The following NT5DC1 variants were observed in gnomAD, a reference collection of about 807,000 sequenced individuals.
NT5DC1 encodes 5'-nucleotidase domain-containing protein 1.
Under a neutral mutation model 59.4 loss-of-function variants are expected in NT5DC1, and 42 were observed. That is an observed-to-expected ratio of 0.71 (90% confidence interval 0.55 to 0.92). The LOEUF (loss-of-function observed/expected upper bound fraction) is 0.92. NT5DC1 is among the 40% of genes least tolerant of loss of function. The pLI is 0.00. For missense variants in NT5DC1, 501 were observed against 537.1 expected (o/e 0.93, Z 0.66); for synonymous variants, 172 against 188.1 (o/e 0.91, Z 0.70).
intron 6 of NT5DC1, among the ~76,000 whole-genome samples, chr6:116,206,975 T>C (rs904329249): frequency 6.6e-6 from 1 of 151,954 alleles, no homozygotes; most frequent in African/African-American, 2.4e-5. Context: ...GAATTTAAAG[T>C]TCTCTGGATT....
At chr6:116,213,218 G>A (rs903646754) in intron 6 of NT5DC1, among the ~76,000 whole-genome samples, 3 of 152,040 alleles carry the variant, frequency 2.0e-5, no homozygotes, top group African/African-American at 7.2e-5. Context: ...AGATGTCAGT[G>A]GGGACAGTAG....
chr6:116,218,911 T>C (rs1273292237), intron 6 of NT5DC1, among the ~76,000 whole-genome samples: 1 of 152,186 alleles, frequency 6.6e-6, no homozygotes, highest in Non-Finnish European at 1.5e-5. Flanking sequence ...TATTACTAAA[T>C]TGAGTTATTT....
intron 8 of NT5DC1, among the ~76,000 whole-genome samples, chr6:116,229,025 C>A (rs1781959139): frequency 6.6e-6 from 1 of 152,206 alleles, no homozygotes; most frequent in African/African-American, 2.4e-5. Context: ...CTAAAATCTT[C>A]ACATCCCACA....
chr6:116,227,233 T>C (rs1781927950), intron 8 of NT5DC1, among the ~76,000 whole-genome samples: 1 of 152,208 alleles, frequency 6.6e-6, no homozygotes, highest in Non-Finnish European at 1.5e-5. Context: ...TATTTGTCTT[T>C]CTGTGCCTGG....
chr6:116,138,462 T>C (rs1483789278), intron 6 of NT5DC1, among the ~76,000 whole-genome samples: 4 of 152,194 alleles, frequency 2.6e-5, no homozygotes, highest in Non-Finnish European at 5.9e-5. Context: ...GAACACTGTT[T>C]TTAATTCTTT....
intron 6 of NT5DC1, among the ~76,000 whole-genome samples, chr6:116,211,588 C>A (rs1781578613): frequency 6.6e-6 from 1 of 151,848 alleles, no homozygotes; most frequent in Non-Finnish European, 1.5e-5. Flanking sequence ...CATTCATTAG[C>A]CATGCCAAAT....
chr6:116,162,904 G>GA (rs1227148944), intron 6 of NT5DC1, among the ~76,000 whole-genome samples: 1 of 151,978 alleles, frequency 6.6e-6, no homozygotes, highest in African/African-American at 2.4e-5. Context: ...AAGGCGGGCA[G>GA]ATCACGAGGT....
At chr6:116,137,020 T>G (rs1162306736) in intron 6 of NT5DC1, 1 of 178,594 alleles carries the variant, frequency 5.6e-6, no homozygotes, top group East Asian at 1.5e-4. Context: ...AAGCTGGGCC[T>G]TTCCACACCA....
chr6:116,249,272 A>G lies in NT5DC1; in HGVS notation c.*5248A>G, dbSNP rs1311788328. 6.6e-6 allele frequency: 1 copy of G among 152,190 alleles called. No individual in the cohort carries two copies. The highest frequency in any genetic ancestry group is 2.4e-5 in the African/African-American group (1 of 41,462). 9.4% of individuals were successfully genotyped at this position (152,190 alleles called of 1,614,324 possible). On this transcript the variant is annotated 3_prime_UTR_variant, in exon 12 of 12. Coordinates refer to ENST00000319550, the MANE Select transcript of NT5DC1 (RefSeq NM_152729.3). The stretch of plus-strand genomic sequence containing the variant: ...AAGAGTCAGCATCTATTTTAACTGT[A>G]TGTTTAATTAAGTTTCTAACTCAAA...
chr6:116,182,815 AT>A (rs1280041662), intron 6 of NT5DC1, among the ~76,000 whole-genome samples: 1 of 151,676 alleles, frequency 6.6e-6, no homozygotes, highest in Non-Finnish European at 1.5e-5. Flanking sequence ...GATTGTAAAG[AT>A]TTTTTTCCCC....
chr6:116,179,384 C>G (rs1349090365), intron 6 of NT5DC1, among the ~76,000 whole-genome samples: 1 of 151,880 alleles, frequency 6.6e-6, no homozygotes, highest in African/African-American at 2.4e-5. Context: ...CATTCCTTTT[C>G]ATGCATCTGA....
At chr6:116,143,273 C>T (rs569092439) in intron 6 of NT5DC1, among the ~76,000 whole-genome samples, 4 of 152,054 alleles carry the variant, frequency 2.6e-5, no homozygotes, top group Non-Finnish European at 5.9e-5. Context: ...TGCAGTGGCG[C>T]GATTTTGGCT....
In NT5DC1 at chr6:116,148,700, G is replaced by T. The variant is rs574762054; in HGVS notation, c.529+30755G>T. Reference sequence around the variant, plus strand: ...ATTAATAATTAAAATGGTTTTTTGAGAAATTTTTTGTCTTTCTCTATGAGA... The same window carrying T: ...ATTAATAATTAAAATGGTTTTTTGATAAATTTTTTGTCTTTCTCTATGAGA... On this transcript the variant is annotated intron_variant, in intron 6 of 11. Transcript: ENST00000319550. Among the ~76,000 whole-genome samples, 68 of 152,164 alleles carry T rather than the reference G, an allele frequency of 4.5e-4. 3 individuals carry two copies. In the South Asian group the frequency reaches 0.014, roughly 31 times the overall value.
Position 116,245,687 on chromosome 6 carries a change from C to T in NT5DC1, c.*1663C>T, listed in dbSNP as rs147077531. 173 of 152,160 alleles carry T rather than the reference C, an allele frequency of 1.1e-3. 1 individual carries two copies. Among genetic ancestry groups the T allele is most frequent in the African/African-American group, 4.1e-3 (169 of 41,518 alleles). The allele number at this position is 152,160 out of a possible 1,614,324, so 9.4% of individuals were successfully genotyped here. ...TCTTTTAAAAATAAAGCTATCTTTCCTTATCCATGTTTACTCTGTAAATGG... is the reference window on the plus strand; with the variant it reads ...TCTTTTAAAAATAAAGCTATCTTTCTTTATCCATGTTTACTCTGTAAATGG... On this transcript the variant is annotated 3_prime_UTR_variant, in exon 12 of 12. Coordinates refer to ENST00000319550, the MANE Select transcript of NT5DC1 (RefSeq NM_152729.3).
At chr6:116,125,768 G>T in intron 6 of NT5DC1, 1 of 317,606 alleles carries the variant, frequency 3.1e-6, no homozygotes, top group Non-Finnish European at 6.0e-6. Flanking sequence ...AATTAGGATT[G>T]GATGTCTGTA....
At chr6:116,227,353 T>A (rs1360980695) in intron 8 of NT5DC1, among the ~76,000 whole-genome samples, 1 of 152,206 alleles carries the variant, frequency 6.6e-6, no homozygotes, top group Non-Finnish European at 1.5e-5. Context: ...TATACCATAT[T>A]TTCTTTATCC....
chr6:116,175,659 A>G (rs1209006995), intron 6 of NT5DC1, among the ~76,000 whole-genome samples: 3 of 152,278 alleles, frequency 2.0e-5, no homozygotes, highest in East Asian at 3.9e-4. Context: ...TCTATTGACT[A>G]CTGTTCAAGT....
chr6:116,206,945 T>C (rs1781464617), intron 6 of NT5DC1, among the ~76,000 whole-genome samples: 1 of 152,010 alleles, frequency 6.6e-6, no homozygotes, highest in Non-Finnish European at 1.5e-5. Flanking sequence ...TGTTTTCTTC[T>C]TGTTTATTGA....
chr6:116,180,411 A>G (rs1181816957), intron 6 of NT5DC1, among the ~76,000 whole-genome samples: 1 of 152,098 alleles, frequency 6.6e-6, no homozygotes, highest in Non-Finnish European at 1.5e-5. Flanking sequence ...TAGAATTGAT[A>G]TGTCACACTT....
Sources: allele counts gnomAD v4.1 joint callset (sites outside exome capture counted in the v4.1 genomes callset), GRCh38; gene constraint gnomAD v4.1.1; transcripts MANE v1.5; gene names NCBI Gene and HGNC (gene_info 2026-07-23, HGNC 2026-07-21).